The following KCNQ3 variants were observed in gnomAD, a reference collection of about 807,000 sequenced individuals.
KCNQ3 encodes the protein potassium voltage-gated channel subfamily Q member 3.
Under a neutral mutation model 92.5 loss-of-function variants are expected in KCNQ3, and 30 were observed. That is an observed-to-expected ratio of 0.32 (90% CI 0.24 to 0.44). The LOEUF is 0.44. Among genes scored for constraint, KCNQ3 ranks in the 20% least tolerant of loss-of-function variants. The probability of loss-of-function intolerance (pLI) is 1.00; values close to 1 mark genes in which losing one functional copy is unlikely to be tolerated. For missense variants in KCNQ3, 913 were observed against 1,140.3 expected (o/e 0.80, Z 2.87); for synonymous variants, 450 against 468.8 (o/e 0.96, Z 0.52).
At chr8:132,249,035 G>C (rs1815293625) in intron 1 of KCNQ3, among the ~76,000 whole-genome samples, 1 of 152,164 alleles carries the variant, frequency 6.6e-6, no homozygotes, top group Non-Finnish European at 1.5e-5. Flanking sequence ...TGTGTTCGGA[G>C]TTTCTTCCTT....
intron 1 of KCNQ3, among the ~76,000 whole-genome samples, chr8:132,264,698 C>G (rs567603242): frequency 6.6e-6 from 1 of 152,200 alleles, no homozygotes; most frequent in Non-Finnish European, 1.5e-5. Flanking sequence ...ATTTGTCTGG[C>G]TTTAAATCCG....
intron 1 of KCNQ3, among the ~76,000 whole-genome samples, chr8:132,373,979 C>A (rs1819545153): frequency 6.6e-6 from 1 of 152,120 alleles, no homozygotes; most frequent in Non-Finnish European, 1.5e-5. Context: ...TCTACCCCCA[C>A]CCCCAGGGTG....
chr8:132,180,832 T>G (rs1451062638), intron 3 of KCNQ3, among the ~76,000 whole-genome samples: 1 of 38,252 alleles, frequency 2.6e-5, no homozygotes, highest in Admixed American at 3.0e-4. Flanking sequence ...AGAGAGAGAA[T>G]GTTAAAAAAA....
intron 1 of KCNQ3, among the ~76,000 whole-genome samples, chr8:132,204,746 C>A (rs1247031614): frequency 6.6e-6 from 1 of 152,198 alleles, no homozygotes; most frequent in Non-Finnish European, 1.5e-5. Context: ...TCTCTGGAAA[C>A]TTCAGACTTT....
intron 8 of KCNQ3, among the ~76,000 whole-genome samples, chr8:132,169,583 G>A (rs1423068229): frequency 6.6e-6 from 1 of 152,192 alleles, no homozygotes; most frequent in Non-Finnish European, 1.5e-5. Flanking sequence ...GTCTGTGGGT[G>A]CAGGCCATGC....
chr8:132,338,361 T>C (rs1010831211), intron 1 of KCNQ3, among the ~76,000 whole-genome samples: 4 of 152,168 alleles, frequency 2.6e-5, no homozygotes, highest in African/African-American at 9.7e-5. Context: ...ACCATTGGGA[T>C]TTAAATCCCA....
chr8:132,432,680 C>T (rs1821284804), intron 1 of KCNQ3, among the ~76,000 whole-genome samples: 1 of 152,154 alleles, frequency 6.6e-6, no homozygotes, highest in Admixed American at 6.5e-5. Context: ...CTCCATTCAT[C>T]ATCTAGGTCC....
intron 1 of KCNQ3, among the ~76,000 whole-genome samples, chr8:132,288,606 C>G (rs1358993147): frequency 6.6e-6 from 1 of 152,152 alleles, no homozygotes; most frequent in East Asian, 1.9e-4. Flanking sequence ...CTTTCTGACT[C>G]TCTGGCATTG....
At chr8:132,394,806 A>T (rs1022240528) in intron 1 of KCNQ3, among the ~76,000 whole-genome samples, 6 of 152,324 alleles carry the variant, frequency 3.9e-5, no homozygotes, top group Middle Eastern at 3.4e-3. Flanking sequence ...AGCACTGAGT[A>T]GGAATTCTGT....
chr8:132,348,924 T>A (rs1412220258), intron 1 of KCNQ3, among the ~76,000 whole-genome samples: 1 of 152,144 alleles, frequency 6.6e-6, no homozygotes, highest in Non-Finnish European at 1.5e-5. Flanking sequence ...AAACAGATAG[T>A]CTCCCACCTG....
intron 1 of KCNQ3, among the ~76,000 whole-genome samples, chr8:132,211,375 T>C (rs140569941): frequency 3.9e-5 from 6 of 152,340 alleles, no homozygotes; most frequent in African/African-American, 1.4e-4. Flanking sequence ...AAACAACTGA[T>C]AGCAATGCAA....
chr8:132,299,766 A>G (rs534050490), intron 1 of KCNQ3, among the ~76,000 whole-genome samples: 14 of 136,044 alleles, frequency 1.0e-4, no homozygotes, highest in Admixed American at 3.2e-4. Flanking sequence ...CCTCTTCCAT[A>G]ATCAGATATG....
At chr8:132,207,967 C>T (rs1317166881) in intron 1 of KCNQ3, among the ~76,000 whole-genome samples, 1 of 149,924 alleles carries the variant, frequency 6.7e-6, no homozygotes, top group Admixed American at 6.6e-5. Context: ...CCAGCATTAG[C>T]ATGGCAGAGA....
intron 1 of KCNQ3, among the ~76,000 whole-genome samples, chr8:132,241,530 G>A (rs374118913): frequency 1.2e-4 from 18 of 151,554 alleles, no homozygotes; most frequent in African/African-American, 3.9e-4. Context: ...GCCTACTTTC[G>A]TCCTTAGAAA....
At chr8:132,392,522 C>CCT (rs981190746) in intron 1 of KCNQ3, among the ~76,000 whole-genome samples, 19 of 151,232 alleles carry the variant, frequency 1.3e-4, no homozygotes, top group South Asian at 4.2e-4. Flanking sequence ...CTGGCTCACT[C>CCT]CTCTCTCTCT....
At chr8:132,251,421 T>C (rs549159073) in intron 1 of KCNQ3, among the ~76,000 whole-genome samples, 1 of 152,340 alleles carries the variant, frequency 6.6e-6, no homozygotes, top group Non-Finnish European at 1.5e-5. Context: ...CTGTGGAAGA[T>C]ACTACTCCTC....
At chr8:132,452,711 C>G (rs973567647) in intron 1 of KCNQ3, among the ~76,000 whole-genome samples, 5 of 152,198 alleles carry the variant, frequency 3.3e-5, no homozygotes, top group Admixed American at 1.3e-4. Context: ...CCAAGCTGGG[C>G]ATGCTCCAAT....
intron 1 of KCNQ3, among the ~76,000 whole-genome samples, chr8:132,310,298 C>T (rs964952257): frequency 2.0e-5 from 3 of 152,000 alleles, no homozygotes; most frequent in Non-Finnish European, 2.9e-5. Context: ...TGTGCAACCT[C>T]GGGTCCATCT....
intron 1 of KCNQ3, among the ~76,000 whole-genome samples, chr8:132,384,942 G>A (rs1819853054): frequency 6.6e-6 from 1 of 152,224 alleles, no homozygotes; most frequent in Admixed American, 6.5e-5. Flanking sequence ...ATAGCAGGTT[G>A]CAGTAGATGC....
Sources: allele counts gnomAD v4.1 joint callset (sites outside exome capture counted in the v4.1 genomes callset), GRCh38; gene constraint gnomAD v4.1.1; transcripts MANE v1.5; gene names NCBI Gene and HGNC (gene_info 2026-07-23, HGNC 2026-07-21).